The following NPL variants were observed in gnomAD, a reference collection of about 807,000 sequenced individuals.
NPL encodes the protein N-acetylneuraminate pyruvate lyase.
Under a neutral mutation model 41.1 loss-of-function variants are expected in NPL, and 32 were observed. The ratio of observed to expected loss-of-function variants is 0.78; its 90% CI spans 0.59 to 1.05. The LOEUF (loss-of-function observed/expected upper bound fraction) is 1.05. Ranked by LOEUF, NPL falls within the 50% of genes least tolerant of loss-of-function variation. The probability of loss-of-function intolerance (pLI) is 0.00; values close to 1 mark genes in which losing one functional copy is unlikely to be tolerated. For synonymous variants in NPL, 128 were observed against 134.9 expected, an observed-to-expected ratio of 0.95 and a Z score of 0.35; for missense variants, 321 against 378.4, an observed-to-expected ratio of 0.85 and a Z score of 1.26.
chr1:182,819,181 G>A (rs976795571), intron 10 of NPL, among the ~76,000 whole-genome samples: 12 of 152,154 alleles, frequency 7.9e-5, no homozygotes, highest in African/African-American at 2.2e-4. Flanking sequence ...AATGGGCCGG[G>A]CACAGTGGCT....
chr1:182,803,542 A>G (rs1168903140), intron 3 of NPL, among the ~76,000 whole-genome samples, 156 bp from the exon 4 acceptor site: 1 of 152,106 alleles, frequency 6.6e-6, no homozygotes, highest in Non-Finnish European at 1.5e-5. Context: ...GGGGGGAAAA[A>G]AACCCCAGGC....
Position 182,818,658 on chromosome 1 carries a change from AAC to A in NPL, c.577_578del (p.Gln193ValfsTer9). The A allele has an allele frequency of 6.2e-7, 1 of 1,614,216 alleles. No individual in the cohort carries two copies. The highest frequency in any genetic ancestry group is 1.1e-5 in the South Asian group (1 of 91,092). The stretch of plus-strand genomic sequence containing the variant: ...CAATGTGTTGATCAGAATCGCCAGC[AAC>A]AGTTTGCTTTCCTTTTTGGGGTGGA... On this transcript the variant is annotated frameshift_variant, in exon 9 of 13. Coordinates refer to ENST00000367553, the MANE Select transcript of NPL (RefSeq NM_030769.3). LOFTEE classifies it high-confidence loss of function.
Position 182,812,191 on chromosome 1 carries a change from G to C in NPL, c.266G>C (p.Ser89Thr), listed in dbSNP as rs896335386. The change falls in exon 6 of 13, where the codon AGC becomes ACC. Residue 89 changes from serine (S) to threonine (T), a missense_variant. By Grantham distance (58) the Ser-to-Thr change is moderately conservative. Transcript: ENST00000367553. ...GTGATAATTCACGTAGGAGCACTGA[G>C]CTTGAAGGAGTCACAGGAACTGGTA... is the stretch of plus-strand genomic sequence containing the variant. ...DQVIIHVGAL[S>T]LKESQELAQH... The C allele has an allele frequency of 3.7e-6, 6 of 1,613,818 alleles. No homozygotes were observed. Among genetic ancestry groups the C allele is most frequent in the Non-Finnish European group, 4.2e-6 (5 of 1,179,822 alleles).
chr1:182,800,903 C>G (rs1347274189), intron 3 of NPL, among the ~76,000 whole-genome samples: 4 of 151,462 alleles, frequency 2.6e-5, no homozygotes, highest in Non-Finnish European at 5.9e-5. Flanking sequence ...CTCATTTTTG[C>G]ATTTTTAGTA....
At chr1:182,826,949 G>A (rs1248091031) in intron 12 of NPL, 2 of 152,138 alleles carry the variant, frequency 1.3e-5, no homozygotes, top group Non-Finnish European at 1.5e-5. Context: ...GGCATAGTAA[G>A]AGATAAACAG....
Position 182,829,867 on chromosome 1 carries a change from T to C in NPL, c.*959T>C, listed in dbSNP as rs536635074. On this transcript the variant is annotated 3_prime_UTR_variant, in exon 13 of 13. Coordinates refer to ENST00000367553, the MANE Select transcript of NPL (RefSeq NM_030769.3). ...TCTCTCCATACCTCCTTTTACTCTTTTCTTTCTGTGTAATGTATCAACAAC... is the reference window on the plus strand; with the variant it reads ...TCTCTCCATACCTCCTTTTACTCTTCTCTTTCTGTGTAATGTATCAACAAC... The C allele has an allele frequency of 3.8e-6, 2 of 530,928 alleles. No individual in the cohort carries two copies. Among genetic ancestry groups the C allele is most frequent in the Non-Finnish European group, 6.8e-6 (2 of 293,636 alleles). The allele number at this position is 530,928 out of a possible 1,614,324, so 32.9% of individuals were successfully genotyped here. A position where few individuals can be genotyped will look rare whatever the true frequency, so the allele number is the denominator to read the frequency against.
Position 182,829,637 on chromosome 1 carries a change from G to A in NPL, c.*729G>A, listed in dbSNP as rs1026929823. ...AACTCAAAGTTTCAAAGAACCAAAG[G>A]ACTCTTCCTCTGGGCACCACAAACT... On this transcript the variant is annotated 3_prime_UTR_variant, in exon 13 of 13. Coordinates refer to ENST00000367553, the MANE Select transcript of NPL (RefSeq NM_030769.3). 1.3e-6 allele frequency: 2 copies of A among 1,550,566 alleles called. No homozygotes were observed. Among genetic ancestry groups the A allele is most frequent in the South Asian group, 1.2e-5 (1 of 84,034 alleles).
At chr1:182,817,514 T>C (rs576473724) in intron 8 of NPL, among the ~76,000 whole-genome samples, 9 of 152,310 alleles carry the variant, frequency 5.9e-5, no homozygotes, top group African/African-American at 2.2e-4. Context: ...CTAATTGGAT[T>C]CAGTTCTGAC....
At chr1:182,810,604 A>T (rs961803936) in intron 5 of NPL, among the ~76,000 whole-genome samples, 2 of 152,118 alleles carry the variant, frequency 1.3e-5, no homozygotes, top group African/African-American at 4.8e-5. Context: ...GACATTTTTT[A>T]AAATCCCTAA....
rs796762252 is a variant in NPL at position 182,809,865 on chromosome 1, A to G, written c.231-2291A>G. 9 of 152,308 alleles carry G rather than the reference A, an allele frequency of 5.9e-5. 1 individual carries two copies. The highest frequency in any genetic ancestry group is 2.2e-4 in the African/African-American group (9 of 41,562). 9.4% of individuals were successfully genotyped at this position (152,308 alleles called of 1,614,324 possible). A position where few individuals can be genotyped will look rare whatever the true frequency, so the allele number is the denominator to read the frequency against. ...CAGTGGTAGCTGTGCCTAGCAGCCC[A>G]GGAGAAAGAGGAAGAGCAAATGGAT... On this transcript the variant is annotated intron_variant, in intron 5 of 12. Transcript: ENST00000367553.
intron 11 of NPL, among the ~76,000 whole-genome samples, chr1:182,823,373 A>G (rs1667540971): frequency 6.6e-6 from 1 of 152,224 alleles, no homozygotes; most frequent in African/African-American, 2.4e-5. Context: ...ATGAAGAAGC[A>G]GAATCCAGAG....
intron 3 of NPL, among the ~76,000 whole-genome samples, chr1:182,801,039 T>C (rs73065362): frequency 0.023 from 3,441 of 152,176 alleles, 131 homozygotes; most frequent in African/African-American, 0.079. Context: ...AGCCCTGACA[T>C]TGTTAGATTT....
In NPL at chr1:182,829,455, C is replaced by T. The variant is rs1667712169; in HGVS notation, c.*547C>T. ...AGAATGGATGCTTTTGAATTCATTTCGATGTCACCACTTTTCGCTCTTTAA... is the reference window on the plus strand; with the variant it reads ...AGAATGGATGCTTTTGAATTCATTTTGATGTCACCACTTTTCGCTCTTTAA... On this transcript the variant is annotated 3_prime_UTR_variant, in exon 13 of 13. Coordinates refer to ENST00000367553, the MANE Select transcript of NPL (RefSeq NM_030769.3). 1.3e-5 allele frequency: 18 copies of T among 1,439,292 alleles called. No individual in the cohort carries two copies. The highest frequency in any genetic ancestry group is 2.6e-4 in the Middle Eastern group (1 of 3,906). The allele number at this position is 1,439,292 out of a possible 1,614,324, so 89.2% of individuals were successfully genotyped here.
chr1:182,790,756 GC>G, intron 1 of NPL, among the ~76,000 whole-genome samples: 1 of 152,118 alleles, frequency 6.6e-6, no homozygotes, highest in Non-Finnish European at 1.5e-5. Context: ...CCATTCTCCT[GC>G]CTCAGCCTCC....
chr1:182,800,686 C>G (rs1427440852), intron 3 of NPL, among the ~76,000 whole-genome samples: 1 of 143,926 alleles, frequency 6.9e-6, no homozygotes, highest in Non-Finnish European at 1.5e-5. Context: ...CCTACTGCTG[C>G]TTTTTCTAAT....
chr1:182,818,416 G>A lies in NPL; in HGVS notation c.458-125G>A, dbSNP rs187423068. On this transcript the variant is annotated intron_variant, in intron 8 of 12. Transcript: ENST00000367553. ...CTGCTAGTCAGGGACCAGTGATTAT[G>A]CCTAGTCTGCAGTCAGTTCTGGCTG... 2.1e-3 allele frequency: 2,471 copies of A among 1,185,230 alleles called. 10 individuals carry two copies. Among genetic ancestry groups the A allele is most frequent in the Non-Finnish European group, 2.6e-3 (2,090 of 805,668 alleles). The allele number at this position is 1,185,230 out of a possible 1,614,324, so 73.4% of individuals were successfully genotyped here.
intron 7 of NPL, among the ~76,000 whole-genome samples, chr1:182,815,838 C>T (rs572902784): frequency 2.4e-4 from 36 of 152,230 alleles, no homozygotes; most frequent in African/African-American, 8.4e-4. Flanking sequence ...AATTCTTGGC[C>T]TTGATCCTCC....
At chr1:182,802,008 G>A (rs1322069477) in intron 3 of NPL, among the ~76,000 whole-genome samples, 1 of 152,054 alleles carries the variant, frequency 6.6e-6, no homozygotes, top group Non-Finnish European at 1.5e-5. Flanking sequence ...TTTTAATCAC[G>A]TATACTATCT....
intron 5 of NPL, chr1:182,809,304 C>T (rs1260320497): frequency 2.5e-6 from 1 of 392,774 alleles, no homozygotes; most frequent in South Asian, 1.9e-5. Flanking sequence ...TTTGGGAGGC[C>T]AAGGTAGGCA....
Sources: gnomAD v4.1 joint callset for allele counts (sites outside exome capture counted in the v4.1 genomes callset) on GRCh38, gnomAD v4.1.1 for gene constraint, MANE v1.5 for transcripts, NCBI Gene and HGNC (gene_info 2026-07-23, HGNC 2026-07-21) for gene names.